ALPK2: variants seen among roughly 807,000 people sequenced by gnomAD.
ALPK2 encodes alpha kinase 2.
Under a neutral mutation model 163.1 loss-of-function variants are expected in ALPK2, and 127 were observed. The observed-to-expected ratio is 0.78, with a 90% CI of 0.67 to 0.90. The LOEUF is 0.90. ALPK2 is among the 40% of genes least tolerant of loss of function. The pLI, the probability that ALPK2 is intolerant of heterozygous loss-of-function variation, is 0.00. For missense variants in ALPK2, 2,360 were observed against 2,589.6 expected, an observed-to-expected ratio of 0.91 and a Z score of 1.92; for synonymous variants, 953 against 959.1, an observed-to-expected ratio of 0.99 and a Z score of 0.12.
In ALPK2 at chr18:58,578,736, A is replaced by ACACACACGCGCGCACGCGCGCGCGCG. The variant is rs773192836; in HGVS notation, c.1962+77_1962+78insCGCGCGCGCGCGTGCGCGCGTGTGTG. 1.2e-5 allele frequency: 9 copies of ACACACACGCGCGCACGCGCGCGCGCG among 760,878 alleles called. No homozygotes were observed. The African/African-American group carries it at 1.3e-4, about 11-fold the overall frequency. 47.1% of individuals were successfully genotyped at this position (760,878 alleles called of 1,614,324 possible). A position where few individuals can be genotyped will look rare whatever the true frequency, so the allele number is the denominator to read the frequency against. On this transcript the variant is annotated intron_variant, in intron 4 of 12. Transcript: ENST00000361673. ...GTGAATGTGAAGTAAAGGAAGAGAC[A>ACACACACGCGCGCACGCGCGCGCGCG]CACACACACACACACACACACACAC... is the stretch of plus-strand genomic sequence containing the variant.
At chr18:58,572,703 G>A (rs1473172311) in intron 4 of ALPK2, among the ~76,000 whole-genome samples, 3 of 152,302 alleles carry the variant, frequency 2.0e-5, no homozygotes, top group Admixed American at 1.3e-4. Flanking sequence ...GTTGCCAGGG[G>A]CTACCAAAGG....
intron 4 of ALPK2, chr18:58,577,856 TC>T (rs1252286447): frequency 6.6e-6 from 1 of 152,214 alleles, no homozygotes; most frequent in Non-Finnish European, 1.5e-5. Context: ...TTGGAGTGTA[TC>T]TAGTCTTCTA....
chr18:58,594,311 T>C (rs2078563429), intron 3 of ALPK2, among the ~76,000 whole-genome samples: 1 of 152,196 alleles, frequency 6.6e-6, no homozygotes, highest in African/African-American at 2.4e-5. Context: ...ATGGCATTAC[T>C]ACCACCACGC....
Position 58,585,140 on chromosome 18 carries a change from T to A in ALPK2, c.228-4592A>T, listed in dbSNP as rs112163407. On this transcript the variant is annotated intron_variant, in intron 3 of 12. Transcript: ENST00000361673. ...GCTTCTGAGTTTGAACCCCCAGAAG[T>A]GGTCTAAACCAGAATTTCTGAAAAC... 1.7e-3 allele frequency among the ~76,000 whole-genome samples: 255 copies of A among 152,302 alleles called. 1 individual carries two copies. The highest frequency in any genetic ancestry group is 5.9e-3 in the African/African-American group (246 of 41,558).
intron 2 of ALPK2, among the ~76,000 whole-genome samples, chr18:58,610,663 C>T (rs1233113051): frequency 6.6e-6 from 1 of 152,186 alleles, no homozygotes; most frequent in East Asian, 1.9e-4. Flanking sequence ...CAATTAGGGC[C>T]AGGCGCGGTG....
chr18:58,603,929 C>A (rs1019242894), intron 3 of ALPK2, among the ~76,000 whole-genome samples: 4 of 152,182 alleles, frequency 2.6e-5, no homozygotes, highest in African/African-American at 9.7e-5. Flanking sequence ...GCACACTTGA[C>A]CCGTGTTAAT....
chr18:58,546,538 T>C (rs774193083), intron 4 of ALPK2, among the ~76,000 whole-genome samples: 23 of 152,338 alleles, frequency 1.5e-4, no homozygotes, highest in Non-Finnish European at 3.4e-4. Context: ...CCCTACAGCC[T>C]TTTTAACACA....
intron 6 of ALPK2, among the ~76,000 whole-genome samples, chr18:58,526,211 G>C (rs900336184): frequency 9.9e-5 from 15 of 152,206 alleles, no homozygotes; most frequent in African/African-American, 3.6e-4. Flanking sequence ...GCAGACAAAT[G>C]CAAAAGAAGC....
At position 58,579,606 on chromosome 18, in the gene ALPK2, G is replaced by A. The variant is rs147397220; in HGVS notation, c.1170C>T (p.Asp390=). 4.0e-4 allele frequency: 649 copies of A among 1,613,558 alleles called. 2 individuals are homozygous for A. In the Admixed American group the frequency reaches 4.5e-3, roughly 11 times the overall value. The change falls in exon 4 of 13, where the codon GAC becomes GAT. Residue 390 remains aspartate, a synonymous_variant. Transcript: ENST00000361673. The stretch of plus-strand genomic sequence containing the variant: ...CAGCAGTGGCAACCATAGGCCCAGC[G>A]TCACCCGACACCCGAGACCCACAAC... ...GMGCGSRVSG[D]AGPMVATAGF...
chr18:58,557,626 G>T (rs193135682), intron 4 of ALPK2, among the ~76,000 whole-genome samples: 1 of 151,302 alleles, frequency 6.6e-6, no homozygotes, highest in Non-Finnish European at 1.5e-5. Context: ...TAAGAATTAC[G>T]TATAAACTAT....
intron 10 of ALPK2, among the ~76,000 whole-genome samples, chr18:58,505,333 G>A (rs577086213): frequency 2.2e-4 from 34 of 151,866 alleles, no homozygotes; most frequent in African/African-American, 7.2e-4. Context: ...TCCCCCAACC[G>A]CACCCTCAGC....
intron 10 of ALPK2, among the ~76,000 whole-genome samples, chr18:58,513,881 T>C (rs1395611245): frequency 6.6e-6 from 1 of 152,026 alleles, no homozygotes; most frequent in Admixed American, 6.6e-5. Context: ...TTAAAAAAAA[T>C]AAAACAGAAA....
chr18:58,547,588 C>T (rs1302710390), intron 4 of ALPK2, among the ~76,000 whole-genome samples: 1 of 152,238 alleles, frequency 6.6e-6, no homozygotes, highest in East Asian at 1.9e-4. Context: ...ATCATCACAG[C>T]CACAGAATGC....
chr18:58,611,448 A>C (rs1220373805), intron 2 of ALPK2, among the ~76,000 whole-genome samples: 3 of 152,208 alleles, frequency 2.0e-5, no homozygotes, highest in Non-Finnish European at 4.4e-5. Flanking sequence ...AACCAGTGTG[A>C]GAGCTGCCTA....
intron 12 of ALPK2, among the ~76,000 whole-genome samples, chr18:58,487,691 A>T (rs1306557130): frequency 6.6e-6 from 1 of 152,172 alleles, no homozygotes; most frequent in Non-Finnish European, 1.5e-5. Flanking sequence ...ATCCTCTCTC[A>T]CAATGTCCAG....
At position 58,523,924 on chromosome 18, in the gene ALPK2, CTG is replaced by C. The variant is rs144956515; in HGVS notation, c.5629+9_5629+10del. ...GGGGCCAGTGGTTTTTCATTGAAAA[CTG>C]TGGTTTACCTTCAGCTGTGAGGTTA... On this transcript the variant is annotated intron_variant, in intron 7 of 12. Coordinates refer to ENST00000361673, the MANE Select transcript of ALPK2 (RefSeq NM_052947.4). 3,923 of 1,614,102 alleles carry C rather than the reference CTG, an allele frequency of 2.4e-3. 83 individuals carry two copies. The African/African-American group carries it at 0.048, about 20-fold the overall frequency.
chr18:58,571,270 C>T (rs1377802728), intron 4 of ALPK2, among the ~76,000 whole-genome samples: 1 of 152,116 alleles, frequency 6.6e-6, no homozygotes. Flanking sequence ...ATTCACCCAC[C>T]TCAGCCTCCC....
chr18:58,594,559 G>A (rs1450049593), intron 3 of ALPK2, among the ~76,000 whole-genome samples: 2 of 152,176 alleles, frequency 1.3e-5, no homozygotes, highest in East Asian at 3.9e-4. Flanking sequence ...AGCCATGGCC[G>A]GCAGCCCCAG....
chr18:58,493,122 C>T (rs962111168), intron 12 of ALPK2, among the ~76,000 whole-genome samples: 5 of 152,098 alleles, frequency 3.3e-5, no homozygotes, highest in African/African-American at 7.2e-5. Flanking sequence ...CTGTGGCAGG[C>T]GGGGACAGGA....
Sources: gnomAD v4.1 joint callset for allele counts (sites outside exome capture counted in the v4.1 genomes callset) on GRCh38, gnomAD v4.1.1 for gene constraint, MANE v1.5 for transcripts, NCBI Gene and HGNC (gene_info 2026-07-23, HGNC 2026-07-21) for gene names.